Variants in HIF1A observed in about 807,000 individuals in gnomAD.
HIF1A encodes hypoxia-inducible factor 1-alpha.
HIF1A carries 24 observed loss-of-function variants against 92.7 expected under a neutral mutation model. That is an observed-to-expected ratio of 0.26 (90% CI 0.19 to 0.36). HIF1A has a LOEUF of 0.36. HIF1A is among the 10% of genes least tolerant of loss of function. HIF1A has a pLI of 1.00. For synonymous variants in HIF1A, 319 were observed against 338.7 expected, an observed-to-expected ratio of 0.94 and a Z score of 0.64; for missense variants, 799 against 998.5, an observed-to-expected ratio of 0.80 and a Z score of 2.69.
chr14:61,710,294 T>C (rs1216120149), intron 1 of HIF1A, among the ~76,000 whole-genome samples: 1 of 152,214 alleles, frequency 6.6e-6, no homozygotes, highest in African/African-American at 2.4e-5. Context: ...TGGTAAAATA[T>C]TGCTGGATAA....
chr14:61,731,487 G>T (rs1463805555), intron 6 of HIF1A, among the ~76,000 whole-genome samples: 1 of 152,158 alleles, frequency 6.6e-6, no homozygotes, highest in East Asian at 1.9e-4. Flanking sequence ...TGTTTTATCT[G>T]AAATTACTCC....
intron 1 of HIF1A, among the ~76,000 whole-genome samples, chr14:61,718,233 G>A (rs923347881): frequency 8.5e-5 from 13 of 152,176 alleles, no homozygotes; most frequent in African/African-American, 3.1e-4. Context: ...CAGGAGAATT[G>A]CTTGAGCTTA....
intron 1 of HIF1A, chr14:61,717,020 T>G (rs1383359975): frequency 6.6e-6 from 1 of 152,202 alleles, no homozygotes; most frequent in African/African-American, 2.4e-5. Flanking sequence ...GACCTGTACT[T>G]AAAAACAAAA....
At position 61,742,907 on chromosome 14, in the gene HIF1A, A is replaced by AAAAAAAAAAAAG. The variant is rs71117851; in HGVS notation, c.2093+1719_2093+1720insAAAAAAAAAAAG. On this transcript the variant is annotated intron_variant, in intron 12 of 14. Transcript: ENST00000337138. ...TTTCAAAAAAAAAAAAAAAAAAAAA[A>AAAAAAAAAAAAG]GTTGTTGGACTGACAGATGCATGAA... Among the ~76,000 whole-genome samples the AAAAAAAAAAAAG allele has an allele frequency of 4.7e-5, 5 of 105,940 alleles. 1 individual carries two copies. The highest frequency in any genetic ancestry group is 5.4e-5 in the Non-Finnish European group (3 of 55,618). 69.5% of individuals were successfully genotyped at this position (105,940 alleles called of 152,430 possible).
intron 4 of HIF1A, among the ~76,000 whole-genome samples, chr14:61,723,222 T>C (rs984367801): frequency 3.3e-5 from 5 of 152,252 alleles, no homozygotes; most frequent in East Asian, 1.9e-4. Flanking sequence ...CTAACCTCCA[T>C]TGAGAGAATG....
At chr14:61,729,677 T>G (rs879357241) in intron 6 of HIF1A, among the ~76,000 whole-genome samples, 7 of 152,156 alleles carry the variant, frequency 4.6e-5, no homozygotes, top group African/African-American at 7.2e-5. Flanking sequence ...GAGGAATTAT[T>G]TTTTATTTTT....
intron 1 of HIF1A, among the ~76,000 whole-genome samples, chr14:61,700,390 G>C (rs1295596386): frequency 6.6e-6 from 1 of 152,090 alleles, no homozygotes; most frequent in Non-Finnish European, 1.5e-5. Flanking sequence ...CATATAAATA[G>C]AATTATAGGG....
intron 8 of HIF1A, among the ~76,000 whole-genome samples, chr14:61,736,181 T>C (rs751128784): frequency 9.2e-5 from 14 of 152,188 alleles, no homozygotes; most frequent in South Asian, 2.1e-4. Context: ...GGTTTTGCCA[T>C]GTTGGCCAGG....
chr14:61,719,732 T>C (rs143801516), intron 1 of HIF1A, among the ~76,000 whole-genome samples: 2 of 152,244 alleles, frequency 1.3e-5, no homozygotes, highest in Non-Finnish European at 2.9e-5. Flanking sequence ...CAGCTTTTTT[T>C]CTTCCATATT....
chr14:61,695,977 C>A (rs891904258), intron 1 of HIF1A, 138 bp downstream of exon 1: 27 of 751,902 alleles, frequency 3.6e-5, no homozygotes, highest in Non-Finnish European at 4.7e-5. Flanking sequence ...CTCCCCTCCC[C>A]TCTCTTCCCC....
chr14:61,738,712 A>T (rs1453133394), intron 10 of HIF1A, among the ~76,000 whole-genome samples: 1 of 152,168 alleles, frequency 6.6e-6, no homozygotes. Flanking sequence ...CAAGGTAGCT[A>T]CAGCCTATAC....
chr14:61,727,779 T>C, intron 6 of HIF1A, 124 bp downstream of exon 6: 1 of 738,928 alleles, frequency 1.4e-6, no homozygotes, highest in Non-Finnish European at 2.3e-6. Context: ...TCCCAGCACT[T>C]TGGAAGGCTG....
At chr14:61,727,737 C>A in intron 6 of HIF1A, 82 bp downstream of exon 6, 1 of 1,058,050 alleles carries the variant, frequency 9.5e-7, no homozygotes, top group Non-Finnish European at 1.4e-6. Flanking sequence ...AAAGATTCAG[C>A]GCTGGCCATG....
intron 1 of HIF1A, among the ~76,000 whole-genome samples, chr14:61,699,364 A>T (rs1000142181): frequency 6.6e-6 from 1 of 152,160 alleles, no homozygotes; most frequent in African/African-American, 2.4e-5. Flanking sequence ...TAATGGTGTC[A>T]CGGCTCAGGG....
chr14:61,697,572 A>G (rs892817384), intron 1 of HIF1A: 5 of 485,876 alleles, frequency 1.0e-5, no homozygotes, highest in Middle Eastern at 8.5e-4. Flanking sequence ...CCAATTCTAA[A>G]TAAGCTCTTA....
chr14:61,747,245 GCT>G lies in HIF1A; in HGVS notation c.*163_*164del. ...CCCTTTCTACTTAATTTACATTAAT[GCT>G]CTTTTTTAGTATGTTCTTTAATGCT... On this transcript the variant is annotated 3_prime_UTR_variant, in exon 15 of 15. Transcript: ENST00000337138. The G allele has an allele frequency of 1.9e-6, 1 of 516,788 alleles. No individual in the cohort carries two copies. Among genetic ancestry groups the G allele is most frequent in the South Asian group, 3.7e-5 (1 of 27,208 alleles). The allele number at this position is 516,788 out of a possible 1,614,324, so 32.0% of individuals were successfully genotyped here. A position where few individuals can be genotyped will look rare whatever the true frequency, so the allele number is the denominator to read the frequency against.
intron 1 of HIF1A, 22 bp downstream of exon 1, chr14:61,695,861 G>T (rs1256559828): frequency 6.4e-7 from 1 of 1,559,918 alleles, no homozygotes. Context: ...CCCTCGGCCC[G>T]CCGCCTTCTC....
chr14:61,710,651 G>A (rs922097497), intron 1 of HIF1A, among the ~76,000 whole-genome samples: 5 of 152,054 alleles, frequency 3.3e-5, no homozygotes, highest in Admixed American at 2.0e-4. Context: ...TACATGTGAT[G>A]TTTTAAGTAT....
chr14:61,707,708 A>G (rs7158683), intron 1 of HIF1A, among the ~76,000 whole-genome samples: 141,524 of 149,694 alleles, frequency 0.95, 67,354 homozygotes, highest in Non-Finnish European at 1. Flanking sequence ...GTCTATCATT[A>G]TTGGACATTT....
Sources: gnomAD v4.1 joint callset for allele counts (sites outside exome capture counted in the v4.1 genomes callset) on GRCh38, gnomAD v4.1.1 for gene constraint, MANE v1.5 for transcripts, NCBI Gene and HGNC (gene_info 2026-07-23, HGNC 2026-07-21) for gene names.